Variants in KCNIP4 observed in about 807,000 individuals in gnomAD.
KCNIP4 encodes potassium voltage-gated channel interacting protein 4.
A neutral mutation model predicts 34.0 loss-of-function variants in KCNIP4; 12 were observed. The observed-to-expected ratio is 0.35, with a 90% CI of 0.23 to 0.57. KCNIP4 has a LOEUF of 0.57. Ranked by LOEUF, KCNIP4 falls within the 20% of genes least tolerant of loss-of-function variation. The pLI, the probability that KCNIP4 is intolerant of heterozygous loss-of-function variation, is 0.83. For missense variants in KCNIP4, 238 were observed against 311.7 expected (o/e 0.76, Z 1.78); for synonymous variants, 124 against 102.2 (o/e 1.21, Z -1.29).
intron 1 of KCNIP4, among the ~76,000 whole-genome samples, chr4:21,047,275 T>C (rs1030792699): frequency 6.6e-6 from 1 of 152,208 alleles, no homozygotes; most frequent in African/African-American, 2.4e-5. Flanking sequence ...GAGCAGAAAG[T>C]TGAAGACTAT....
intron 1 of KCNIP4, among the ~76,000 whole-genome samples, chr4:21,769,243 A>G (rs981723243): frequency 3.3e-5 from 5 of 152,196 alleles, no homozygotes; most frequent in East Asian, 1.9e-4. Context: ...TATTTATTTT[A>G]TTGGGAGTGA....
chr4:20,845,358 T>C (rs1185508911), intron 3 of KCNIP4, among the ~76,000 whole-genome samples: 4 of 152,154 alleles, frequency 2.6e-5, no homozygotes, highest in Non-Finnish European at 5.9e-5. Flanking sequence ...TCAATCAACC[T>C]AGTGACACTG....
chr4:21,645,021 G>T (rs991941311), intron 1 of KCNIP4, among the ~76,000 whole-genome samples: 3 of 152,070 alleles, frequency 2.0e-5, no homozygotes, highest in African/African-American at 7.2e-5. Flanking sequence ...ATTACTATTT[G>T]CCAGATGTTG....
chr4:21,223,045 T>A (rs1758094924), intron 1 of KCNIP4, among the ~76,000 whole-genome samples: 1 of 152,190 alleles, frequency 6.6e-6, no homozygotes, highest in Non-Finnish European at 1.5e-5. Flanking sequence ...CCTCTAAATA[T>A]GTTACCTTAC....
intron 1 of KCNIP4, among the ~76,000 whole-genome samples, chr4:21,358,017 T>C (rs182049432): frequency 1.0e-3 from 152 of 152,214 alleles, no homozygotes; most frequent in African/African-American, 3.5e-3. Context: ...ACATCCTTTG[T>C]AGGGACGTGG....
intron 1 of KCNIP4, among the ~76,000 whole-genome samples, chr4:21,219,220 T>C (rs2108995482): frequency 6.6e-6 from 1 of 152,220 alleles, no homozygotes; most frequent in African/African-American, 2.4e-5. Flanking sequence ...CTTAGCTGTG[T>C]GAAAGGTAAG....
intron 1 of KCNIP4, among the ~76,000 whole-genome samples, chr4:21,786,668 T>C (rs879375329): frequency 2.6e-5 from 4 of 151,008 alleles, no homozygotes; most frequent in Non-Finnish European, 5.9e-5. Context: ...CCCGGGTTCA[T>C]GCCATTCTCC....
intron 1 of KCNIP4, among the ~76,000 whole-genome samples, chr4:21,776,027 G>A (rs1401653091): frequency 1.3e-5 from 2 of 152,350 alleles, no homozygotes; most frequent in African/African-American, 4.8e-5. Context: ...GAGGCTGCAA[G>A]AATCTAACCA....
intron 3 of KCNIP4, 28 bp from the exon 4 acceptor site, chr4:20,758,918 G>A (rs1754711696): frequency 5.0e-6 from 8 of 1,591,536 alleles, no homozygotes; most frequent in Non-Finnish European, 6.9e-6. Context: ...GAAGCAATAT[G>A]AGCAAAGTGT....
intron 1 of KCNIP4, among the ~76,000 whole-genome samples, chr4:21,252,778 G>A (rs1199825036): frequency 3.8e-5 from 4 of 105,820 alleles, no homozygotes; most frequent in Admixed American, 1.1e-4. Context: ...TTTTTTTGTC[G>A]TAAGTATTAC....
intron 1 of KCNIP4, among the ~76,000 whole-genome samples, chr4:21,438,170 T>A (rs1449029013): frequency 6.6e-6 from 1 of 152,128 alleles, no homozygotes; most frequent in East Asian, 1.9e-4. Flanking sequence ...TTATAACTAT[T>A]TACATACACC....
intron 3 of KCNIP4, among the ~76,000 whole-genome samples, chr4:20,765,119 A>G (rs1388559910): frequency 6.6e-6 from 1 of 152,218 alleles, no homozygotes; most frequent in Non-Finnish European, 1.5e-5. Context: ...AATAGTTCAT[A>G]TGCCTTTTAC....
At chr4:20,802,255 ACATATATGC>A (rs1470321386) in intron 3 of KCNIP4, among the ~76,000 whole-genome samples, 6 of 105,312 alleles carry the variant, frequency 5.7e-5, no homozygotes, top group East Asian at 6.5e-4. Context: ...TATATATGCT[ACATATATGC>A]TATATATATG....
intron 1 of KCNIP4, among the ~76,000 whole-genome samples, chr4:21,575,893 C>T (rs1255604743): frequency 6.6e-6 from 1 of 152,106 alleles, no homozygotes; most frequent in Non-Finnish European, 1.5e-5. Flanking sequence ...ATGCAGACAA[C>T]CCTTAGAATG....
At chr4:21,074,482 T>G (rs1228626870) in intron 1 of KCNIP4, among the ~76,000 whole-genome samples, 1 of 152,200 alleles carries the variant, frequency 6.6e-6, no homozygotes, top group Non-Finnish European at 1.5e-5. Context: ...TCGGTGGTGA[T>G]ATCCCCTTTA....
chr4:21,537,252 G>A (rs1311517890), intron 1 of KCNIP4, among the ~76,000 whole-genome samples: 1 of 152,090 alleles, frequency 6.6e-6, no homozygotes, highest in Non-Finnish European at 1.5e-5. Flanking sequence ...AACCTTTCTG[G>A]TCATTTTCAA....
At chr4:21,543,976 C>T (rs1737920452) in intron 1 of KCNIP4, among the ~76,000 whole-genome samples, 1 of 152,116 alleles carries the variant, frequency 6.6e-6, no homozygotes, top group African/African-American at 2.4e-5. Context: ...ATTGTTGTGA[C>T]TCCTAAACTA....
At chr4:20,998,397 A>G (rs1449844920) in intron 1 of KCNIP4, among the ~76,000 whole-genome samples, 1 of 152,204 alleles carries the variant, frequency 6.6e-6, no homozygotes, top group African/African-American at 2.4e-5. Flanking sequence ...CAGAGGACTG[A>G]AGGGCAGGGG....
intron 1 of KCNIP4, among the ~76,000 whole-genome samples, chr4:20,993,478 T>C (rs989455001): frequency 2.0e-5 from 3 of 152,160 alleles, no homozygotes; most frequent in Non-Finnish European, 4.4e-5. Flanking sequence ...TCAGTGAAGC[T>C]AGGGGTCACA....
Sources: gnomAD v4.1 joint callset for allele counts (sites outside exome capture counted in the v4.1 genomes callset) on GRCh38, gnomAD v4.1.1 for gene constraint, MANE v1.5 for transcripts, NCBI Gene and HGNC (gene_info 2026-07-23, HGNC 2026-07-21) for gene names.